SGSH: variants seen among roughly 807,000 people sequenced by gnomAD.
The protein encoded by SGSH is N-sulfoglucosamine sulfohydrolase.
Under a neutral mutation model 51.0 loss-of-function variants are expected in SGSH, and 48 were observed. The ratio of observed to expected loss-of-function variants is 0.94; its 90% CI spans 0.75 to 1.20. SGSH has a LOEUF of 1.20. Ranked by LOEUF, SGSH falls within the 50% of genes most tolerant of loss-of-function variation. The pLI is 0.00. For missense variants in SGSH, 662 were observed against 717.8 expected (o/e 0.92, Z 0.89); for synonymous variants, 321 against 313.4 (o/e 1.02, Z -0.26).
In SGSH at chr17:80,212,266, G is replaced by A; in HGVS notation, c.754C>T (p.Leu252=). ...TVGRMDQGVG[L]VLQELRDAGV... Reference sequence around the variant, plus strand: ...GCGTCACGCAGCTCCTGGAGCACCAGTCCAACTCCTGTGGTGAGGGGCCGA... The same window carrying A: ...GCGTCACGCAGCTCCTGGAGCACCAATCCAACTCCTGTGGTGAGGGGCCGA... The change falls in exon 7 of 8, where the codon CTG becomes TTG. Residue 252 remains leucine (L), a synonymous_variant. Transcript: ENST00000326317. This position sits in a 1 kb window ranked among gnomAD's most constrained non-coding sequence, Gnocchi z 5.9. The A allele has an allele frequency of 1.2e-6, 2 of 1,608,156 alleles. No individual in the cohort carries two copies. The highest frequency in any genetic ancestry group is 1.7e-6 in the Non-Finnish European group (2 of 1,177,670).
chr17:80,219,129 C>T (rs1288512979), intron 1 of SGSH, among the ~76,000 whole-genome samples: 3 of 122,782 alleles, frequency 2.4e-5, no homozygotes, highest in South Asian at 2.6e-4. Context: ...TACTGTGCTC[C>T]AGCCTGGGTG....
chr17:80,204,659 G>GTCTCTGT (rs2041181580), downstream of SGSH: 16 of 388,422 alleles, frequency 4.1e-5, no homozygotes, highest in South Asian at 4.1e-4. Flanking sequence ...AGGAGTACAG[G>GTCTCTGT]ACAGAGGGAG....
At chr17:80,205,309 C>A (rs973316738), downstream of SGSH, 9 of 1,198,694 alleles carry the variant, frequency 7.5e-6, no homozygotes, top group East Asian at 1.5e-4. Context: ...TTCCCTCCCC[C>A]ACCACGCACA....
At chr17:80,204,199 C>T (rs552556453), downstream of SGSH, 5 of 1,563,466 alleles carry the variant, frequency 3.2e-6, no homozygotes, top group African/African-American at 4.1e-5. Flanking sequence ...AACAGCTCCT[C>T]CTCATCCTTT....
Position 80,215,091 on chromosome 17 carries a change from G to C in SGSH, c.297C>G (p.Asn99Lys), listed in dbSNP as rs755846091. 4.3e-6 allele frequency: 7 copies of C among 1,612,338 alleles called. No individual in the cohort carries two copies. The highest frequency in any genetic ancestry group is 1.3e-5 in the African/African-American group (1 of 74,936). Reference protein sequence around the residue: ...YGLHQDVHHFNSFDKVRSLPL... With the variant: ...YGLHQDVHHFKSFDKVRSLPL... ...GCAGGCTCCGCACCTTGTCGAAGGA[G>C]TTGAAGTGGTGCACGTCCTGGTGCA... The change falls in exon 3 of 8, where the codon AAC becomes AAG. Residue 99 changes from asparagine (N) to lysine (K), a missense_variant. Transcript: ENST00000326317.
chr17:80,201,986 A>G, downstream of SGSH: 1 of 1,402,610 alleles, frequency 7.1e-7, no homozygotes, highest in African/African-American at 1.4e-5. The surrounding 1 kb of genome is among the most constrained non-coding windows in gnomAD (Gnocchi z 5.0). Context: ...CCAAGAGAGG[A>G]TCAGCCAGGC....
downstream of SGSH, chr17:80,204,052 C>A: frequency 1.3e-6 from 1 of 797,042 alleles, no homozygotes; most frequent in Non-Finnish European, 2.0e-6. Flanking sequence ...GTCTGCAGCC[C>A]CTGCCCAGCC....
chr17:80,218,368 G>C (rs891278711), intron 1 of SGSH, among the ~76,000 whole-genome samples: 5 of 152,192 alleles, frequency 3.3e-5, no homozygotes, highest in South Asian at 2.1e-4. Context: ...GCCACACACT[G>C]GGCAGCAGGA....
chr17:80,201,440 C>CTTTCTTTTCT, the SGSH span: 16 of 369,632 alleles, frequency 4.3e-5, no homozygotes, highest in South Asian at 7.9e-5. The surrounding 1 kb of genome is among the most constrained non-coding windows in gnomAD (Gnocchi z 5.0). Flanking sequence ...AACCGAGGTT[C>CTTTCTTTTCT]TTTCTTTTCT....
Position 80,220,270 on chromosome 17 carries a change from A to C in SGSH, c.44T>G (p.Leu15Arg). The C allele has an allele frequency of 6.6e-7, 1 of 1,521,582 alleles. No individual in the cohort carries two copies. Among genetic ancestry groups the C allele is most frequent in the Non-Finnish European group, 8.8e-7 (1 of 1,141,382 alleles). 94.3% of individuals were successfully genotyped at this position (1,521,582 alleles called of 1,614,324 possible). Reference sequence around the variant, plus strand: ...CCGGGGACGCGCCCGGCAGAGCCCCAGGACTAGCAGCAGCGCGCAGCAGGC... The same window carrying C: ...CCGGGGACGCGCCCGGCAGAGCCCCCGGACTAGCAGCAGCGCGCAGCAGGC... ...VPACCALLLVLGLCRARPRNA... is the reference protein window; with the variant it reads ...VPACCALLLVRGLCRARPRNA... The change falls in exon 1 of 8, where the codon CTG becomes CGG. Residue 15 changes from leucine (L) to arginine (R), a missense_variant. Coordinates refer to ENST00000326317, the MANE Select transcript of SGSH (RefSeq NM_000199.5).
the SGSH span, chr17:80,200,674 T>C: frequency 6.6e-6 from 1 of 152,208 alleles, no homozygotes; most frequent in Admixed American, 6.5e-5. Context: ...CACGTTACAT[T>C]GATTGTACAC....
At position 80,210,791 on chromosome 17, in the gene SGSH, G is replaced by A; in HGVS notation, c.1170C>T (p.Leu390=). The A allele has an allele frequency of 6.2e-7, 1 of 1,614,096 alleles. No individual in the cohort carries two copies. The highest frequency in any genetic ancestry group is 8.5e-7 in the Non-Finnish European group (1 of 1,180,038). Residue 390 remains leucine, a synonymous_variant, in exon 8 of 8, where the codon CTC becomes CTT. Coordinates refer to ENST00000326317, the MANE Select transcript of SGSH (RefSeq NM_000199.5). ...QHRHFRLVHN[L]NFKMPFPIDQ... ...CGATGGGAAAGGGCATCTTGAAGTT[G>A]AGGTTGTGCACGAGGCGGAAGTGCC...
chr17:80,205,311 C>G, downstream of SGSH: 1 of 1,195,856 alleles, frequency 8.4e-7, no homozygotes. Context: ...CCCTCCCCCA[C>G]CACGCACATT....
chr17:80,203,777 C>G (rs1454140119), downstream of SGSH: 2 of 1,514,236 alleles, frequency 1.3e-6, no homozygotes, highest in Non-Finnish European at 1.8e-6. The surrounding 1 kb of genome is among the most constrained non-coding windows in gnomAD (Gnocchi z 4.6). Flanking sequence ...GCCCTGCTCA[C>G]CTGGCAGGAG....
At chr17:80,218,287 G>T (rs191954127) in intron 1 of SGSH, among the ~76,000 whole-genome samples, 1 of 152,352 alleles carries the variant, frequency 6.6e-6, no homozygotes, top group East Asian at 1.9e-4. Context: ...GACCTTGCAG[G>T]TTGTCTATTT....
At chr17:80,218,161 C>T (rs1350078673) in intron 1 of SGSH, among the ~76,000 whole-genome samples, 6 of 152,370 alleles carry the variant, frequency 3.9e-5, no homozygotes, top group African/African-American at 1.4e-4. Flanking sequence ...CAATTCTGGG[C>T]TCAGCGGAAA....
At position 80,212,486 on chromosome 17, in the gene SGSH, TGGGCCTCCA is replaced by T; in HGVS notation, c.746-221_746-213del. On this transcript the variant is annotated intron_variant, in intron 6 of 7. Transcript: ENST00000326317. This position sits in a 1 kb window ranked among gnomAD's most constrained non-coding sequence, Gnocchi z 5.9. ...TCCCATTCCCTGAGCAGGCCTCGAA[TGGGCCTCCA>T]GGGACTCCAGCCATCCCTTGGCACT... 1.6e-6 allele frequency: 1 copy of T among 619,328 alleles called. No homozygotes were observed. Among genetic ancestry groups the T allele is most frequent in the Non-Finnish European group, 2.9e-6 (1 of 339,376 alleles). 38.4% of individuals were successfully genotyped at this position (619,328 alleles called of 1,614,324 possible). A position where few individuals can be genotyped will look rare whatever the true frequency, so the allele number is the denominator to read the frequency against.
chr17:80,218,059 T>C (rs1193328415), intron 1 of SGSH, among the ~76,000 whole-genome samples: 1 of 152,258 alleles, frequency 6.6e-6, no homozygotes, highest in East Asian at 1.9e-4. Flanking sequence ...AGCTTGATGA[T>C]ACCCCAGCAG....
chr17:80,201,599 G>A, the SGSH span: 3 of 790,550 alleles, frequency 3.8e-6, no homozygotes, highest in Admixed American at 5.5e-5. This position sits in a 1 kb window ranked among gnomAD's most constrained non-coding sequence, Gnocchi z 5.0. Flanking sequence ...TCTGGTGTGT[G>A]GCTTTGTTTT....
Sources: gnomAD v4.1 joint callset for allele counts (sites outside exome capture counted in the v4.1 genomes callset) on GRCh38, gnomAD v4.1.1 for gene constraint, Gnocchi (gnomAD v3.1) non-coding constraint, MANE v1.5 for transcripts, NCBI Gene and HGNC (gene_info 2026-07-23, HGNC 2026-07-21) for gene names.